Variants in FAT3 observed in about 807,000 individuals in gnomAD.
The protein encoded by FAT3 is protocadherin Fat 3.
FAT3 carries 95 observed loss-of-function variants against 310.2 expected under a neutral mutation model. The ratio of observed to expected loss-of-function variants is 0.31; its 90% CI spans 0.26 to 0.36. The LOEUF is 0.36. Ranked by LOEUF, FAT3 falls within the 10% of genes least tolerant of loss-of-function variation. The probability of loss-of-function intolerance (pLI) is 1.00; values close to 1 mark genes in which losing one functional copy is unlikely to be tolerated. For missense variants in FAT3, 5,408 were observed against 5,715.6 expected (o/e 0.95, Z 1.74); for synonymous variants, 2,314 against 2,192.9 (o/e 1.06, Z -1.54).
chr11:92,547,371 C>T (rs1954650198), intron 3 of FAT3, among the ~76,000 whole-genome samples: 1 of 152,062 alleles, frequency 6.6e-6, no homozygotes, highest in Admixed American at 6.6e-5. Flanking sequence ...ATATTTTGTG[C>T]CAGCCAAGCA....
chr11:92,488,313 A>G (rs577818808), intron 2 of FAT3, among the ~76,000 whole-genome samples: 162 of 152,232 alleles, frequency 1.1e-3, no homozygotes, highest in African/African-American at 3.6e-3. Context: ...TTGCAGCCCT[A>G]TAGAACCCTG....
intron 2 of FAT3, among the ~76,000 whole-genome samples, chr11:92,467,939 A>G (rs1445141937): frequency 6.6e-6 from 1 of 152,244 alleles, no homozygotes; most frequent in Non-Finnish European, 1.5e-5. Flanking sequence ...TCAGAATTTT[A>G]GAAAGGCAAT....
At chr11:92,825,933 T>C (rs207472182) in intron 13 of FAT3, among the ~76,000 whole-genome samples, 1 of 152,160 alleles carries the variant, frequency 6.6e-6, no homozygotes, top group Non-Finnish European at 1.5e-5. Context: ...TTCCAATTTA[T>C]GTGAGAGAGG....
chr11:92,245,318 A>G (rs1252021927), intron 1 of FAT3, among the ~76,000 whole-genome samples: 1 of 151,830 alleles, frequency 6.6e-6, no homozygotes, highest in East Asian at 1.9e-4. Context: ...AGGGAGGGGA[A>G]TATCACATAC....
At chr11:92,827,168 G>A (rs954028522) in intron 13 of FAT3, among the ~76,000 whole-genome samples, 2 of 152,186 alleles carry the variant, frequency 1.3e-5, no homozygotes, top group African/African-American at 4.8e-5. Context: ...ATAACTGTAA[G>A]CTGTATGTGT....
At chr11:92,829,338 C>A (rs952686011) in intron 13 of FAT3, among the ~76,000 whole-genome samples, 4 of 152,206 alleles carry the variant, frequency 2.6e-5, no homozygotes, top group African/African-American at 9.6e-5. Context: ...GTACCATATG[C>A]TGGAGGTGGA....
chr11:92,738,106 C>G (rs1184907107), intron 4 of FAT3, among the ~76,000 whole-genome samples: 2 of 152,100 alleles, frequency 1.3e-5, no homozygotes, highest in Non-Finnish European at 2.9e-5. Context: ...AATTAAAGGT[C>G]TTAAGGTTAA....
At chr11:92,559,383 CTTTTTTTTT>C (rs386374501) in intron 3 of FAT3, 1 of 143,550 alleles carries the variant, frequency 7.0e-6, no homozygotes, top group Non-Finnish European at 1.4e-5. Context: ...ACTTATTTTC[CTTTTTTTTT>C]TTTTTTTTTT....
chr11:92,637,236 A>G (rs575860815), intron 3 of FAT3, among the ~76,000 whole-genome samples: 15 of 152,274 alleles, frequency 9.9e-5, no homozygotes, highest in African/African-American at 3.1e-4. Context: ...CCACTGCCCC[A>G]TTGAGTATTG....
intron 24 of FAT3, among the ~76,000 whole-genome samples, chr11:92,884,370 A>G (rs1949751331): frequency 6.6e-6 from 1 of 152,214 alleles, no homozygotes; most frequent in Non-Finnish European, 1.5e-5. Context: ...AGGGCCAGTA[A>G]GGTACTCTCT....
chr11:92,892,805 TC>T lies in FAT3; in HGVS notation c.*1695del, dbSNP rs1297408995. ...GTAATGTTTGATTACACCCTGGGAT[TC>T]CCTTCTCATCTGTGGGCTTTGGCCA... is the stretch of plus-strand genomic sequence containing the variant. On this transcript the variant is annotated 3_prime_UTR_variant, in exon 28 of 28. Coordinates refer to ENST00000525166, the MANE Select transcript of FAT3 (RefSeq NM_001367949.2). 4 of 152,232 alleles carry T rather than the reference TC, an allele frequency of 2.6e-5. No individual in the cohort carries two copies. Among genetic ancestry groups the T allele is most frequent in the Non-Finnish European group, 2.9e-5 (2 of 68,040 alleles). 9.4% of individuals were successfully genotyped at this position (152,232 alleles called of 1,614,324 possible). A position where few individuals can be genotyped will look rare whatever the true frequency, so the allele number is the denominator to read the frequency against.
At chr11:92,772,413 G>A (rs1946482287) in intron 6 of FAT3, among the ~76,000 whole-genome samples, 1 of 151,756 alleles carries the variant, frequency 6.6e-6, no homozygotes, top group African/African-American at 2.4e-5. Context: ...ACTCAAATCA[G>A]CCTTCCATTT....
At chr11:92,852,063 G>A (rs1405598870) in intron 19 of FAT3, among the ~76,000 whole-genome samples, 1 of 152,148 alleles carries the variant, frequency 6.6e-6, no homozygotes, top group Non-Finnish European at 1.5e-5. Context: ...GGCTTTGGCT[G>A]GAAAGAGGGT....
Position 92,467,967 on chromosome 11 carries a change from C to G in FAT3, c.3293-56667C>G, listed in dbSNP as rs142053975. 7.0e-3 allele frequency among the ~76,000 whole-genome samples: 1,060 copies of G among 152,270 alleles called. 20 individuals carry two copies. Among genetic ancestry groups the G allele is most frequent in the African/African-American group, 0.024 (1,016 of 41,552 alleles). On this transcript the variant is annotated intron_variant, in intron 2 of 27. Coordinates refer to ENST00000525166, the MANE Select transcript of FAT3 (RefSeq NM_001367949.2). ...AAGGCAATTGGGAGTGAGCATATGA[C>G]ATAGGAGAAGTCACATATATAACAT...
intron 21 of FAT3, among the ~76,000 whole-genome samples, chr11:92,861,920 G>A (rs915131765): frequency 6.6e-6 from 1 of 152,140 alleles, no homozygotes; most frequent in Admixed American, 6.5e-5. Context: ...GGGGTGAAGG[G>A]CGCCCCTTAC....
In FAT3 at chr11:92,389,303, G is replaced by A. The variant is rs918322466; in HGVS notation, c.3292+33899G>A. Among the ~76,000 whole-genome samples, 7 of 152,202 alleles carry A rather than the reference G, an allele frequency of 4.6e-5. 1 individual carries two copies. Among genetic ancestry groups the A allele is most frequent in the African/African-American group, 1.4e-4 (6 of 41,454 alleles). On this transcript the variant is annotated intron_variant, in intron 2 of 27. Transcript: ENST00000525166. ...AAACTAGGAAGTCTAAGACCAGCTC[G>A]TAGATGAGTTTCTTGGGAACCTGGC...
intron 1 of FAT3, among the ~76,000 whole-genome samples, chr11:92,266,264 T>G (rs11019890): frequency 6.6e-6 from 1 of 152,110 alleles, no homozygotes; most frequent in Admixed American, 6.6e-5. Flanking sequence ...ATTCTCTAGT[T>G]TGAGAACCTG....
chr11:92,354,284 T>C lies in FAT3; in HGVS notation c.2172T>C (p.Tyr724=). 6.2e-7 allele frequency: 1 copy of C among 1,613,750 alleles called. No individual in the cohort carries two copies. ...DFYSINRQGP[Y]FDKSFPSDVA... ...ATTCAATTAATAGACAGGGACCATA[T>C]TTTGACAAGTCTTTTCCTTCTGATG... The change falls in exon 2 of 28, where the codon TAT becomes TAC. Residue 724 remains tyrosine, a synonymous_variant. Coordinates refer to ENST00000525166, the MANE Select transcript of FAT3 (RefSeq NM_001367949.2).
chr11:92,255,983 T>C (rs988009793), intron 1 of FAT3, among the ~76,000 whole-genome samples: 1 of 152,104 alleles, frequency 6.6e-6, no homozygotes. Context: ...GAAAATTAAG[T>C]AAAACTAGAG....
Sources: gnomAD v4.1 joint callset for allele counts (sites outside exome capture counted in the v4.1 genomes callset) on GRCh38, gnomAD v4.1.1 for gene constraint, MANE v1.5 for transcripts, NCBI Gene and HGNC (gene_info 2026-07-23, HGNC 2026-07-21) for gene names.